The following PCMTD1 variants were observed in gnomAD, a reference collection of about 807,000 sequenced individuals.
The protein encoded by PCMTD1 is protein-L-isoaspartate (D-aspartate) O-methyltransferase domain containing 1, also known as protein-L-isoaspartate O-methyltransferase domain-containing protein 1.
Under a neutral mutation model 37.6 loss-of-function variants are expected in PCMTD1, and 12 were observed. The ratio of observed to expected loss-of-function variants is 0.32; its 90% CI spans 0.20 to 0.52. The LOEUF (loss-of-function observed/expected upper bound fraction) is 0.52, where lower values mean the gene tolerates loss of function less well. PCMTD1 is among the 20% of genes least tolerant of loss of function. The pLI, the probability that PCMTD1 is intolerant of heterozygous loss-of-function variation, is 0.97. For missense variants in PCMTD1, 235 were observed against 421.3 expected (o/e 0.56, Z 3.87); for synonymous variants, 117 against 135.8 (o/e 0.86, Z 0.96).
intron 1 of PCMTD1, among the ~76,000 whole-genome samples, chr8:51,896,882 A>AC (rs1298490781): frequency 1.9e-4 from 15 of 78,562 alleles, no homozygotes; most frequent in Non-Finnish European, 5.3e-4. Context: ...ACGCACTATT[A>AC]CAAAAAAAAA....
chr8:51,845,481 G>A, intron 3 of PCMTD1, 180 bp downstream of exon 3: 1 of 467,220 alleles, frequency 2.1e-6, no homozygotes, highest in East Asian at 3.2e-5. Flanking sequence ...ATTTACTATA[G>A]AATTACATAT....
At chr8:51,836,712 A>G (rs1419834106) in intron 3 of PCMTD1, among the ~76,000 whole-genome samples, 2 of 152,220 alleles carry the variant, frequency 1.3e-5, no homozygotes, top group Admixed American at 6.5e-5. Flanking sequence ...CAGAAAAAGC[A>G]TATGCTTATG....
intron 2 of PCMTD1, among the ~76,000 whole-genome samples, chr8:51,856,910 T>C (rs530258223): frequency 6.6e-5 from 10 of 152,368 alleles, no homozygotes; most frequent in Non-Finnish European, 1.2e-4. Flanking sequence ...ACATTGGCAG[T>C]ATCCTCAAAC....
At chr8:51,845,586 T>C (rs1485180549) in intron 3 of PCMTD1, 75 bp downstream of exon 3, 39 of 1,012,962 alleles carry the variant, frequency 3.9e-5, no homozygotes, top group Non-Finnish European at 2.1e-5. Context: ...GGATCAATAA[T>C]AGTGTTCAAG....
At chr8:51,877,085 T>G (rs1301404622) in intron 1 of PCMTD1, among the ~76,000 whole-genome samples, 1 of 152,240 alleles carries the variant, frequency 6.6e-6, no homozygotes, top group Non-Finnish European at 1.5e-5. Context: ...AAATGCTTGC[T>G]TCTTGGTGCC....
At chr8:51,839,458 T>C in intron 3 of PCMTD1, 5 of 985,412 alleles carry the variant, frequency 5.1e-6, no homozygotes, top group Non-Finnish European at 6.0e-6. Flanking sequence ...TTAGCAGTGG[T>C]TTTCTTTATA....
chr8:51,865,003 AC>A (rs2038530329), intron 1 of PCMTD1, among the ~76,000 whole-genome samples: 1 of 152,156 alleles, frequency 6.6e-6, no homozygotes, highest in Non-Finnish European at 1.5e-5. Flanking sequence ...AAGAGGAGAT[AC>A]CACAACTCAG....
At chr8:51,865,526 A>C (rs1387499352) in intron 1 of PCMTD1, among the ~76,000 whole-genome samples, 2 of 152,066 alleles carry the variant, frequency 1.3e-5, no homozygotes, top group Admixed American at 6.6e-5. Context: ...AATATACACA[A>C]ATCAATAATG....
chr8:51,836,923 T>G (rs1189299526), intron 3 of PCMTD1, among the ~76,000 whole-genome samples: 2 of 152,236 alleles, frequency 1.3e-5, no homozygotes, highest in South Asian at 4.1e-4. Context: ...TTTGTTAAAC[T>G]GGTTACTGTA....
At chr8:51,865,655 T>C (rs943872708) in intron 1 of PCMTD1, among the ~76,000 whole-genome samples, 2 of 151,868 alleles carry the variant, frequency 1.3e-5, no homozygotes, top group East Asian at 1.9e-4. Flanking sequence ...CCCAATAAAT[T>C]AGACACAGAG....
intron 1 of PCMTD1, among the ~76,000 whole-genome samples, chr8:51,879,920 T>C (rs1312479743): frequency 6.6e-6 from 1 of 152,068 alleles, no homozygotes; most frequent in Non-Finnish European, 1.5e-5. Context: ...CAGTGGCTCA[T>C]GCCTATAATC....
chr8:51,829,308 T>G (rs1436053470), intron 5 of PCMTD1, among the ~76,000 whole-genome samples: 4 of 152,112 alleles, frequency 2.6e-5, no homozygotes, highest in Admixed American at 2.6e-4. Context: ...CAAGCAACAC[T>G]CACCACAGAG....
intron 3 of PCMTD1, chr8:51,839,689 CT>C: frequency 1.1e-6 from 1 of 908,056 alleles, no homozygotes; most frequent in African/African-American, 1.8e-5. Context: ...TGAAGTGGGG[CT>C]GACAATTTGC....
At chr8:51,853,289 C>A (rs1353120260) in intron 2 of PCMTD1, among the ~76,000 whole-genome samples, 1 of 152,144 alleles carries the variant, frequency 6.6e-6, no homozygotes, top group Non-Finnish European at 1.5e-5. Context: ...CCAAGAACTC[C>A]AGCAGACCAA....
intron 1 of PCMTD1, among the ~76,000 whole-genome samples, chr8:51,897,848 G>A (rs1364044556): frequency 6.6e-6 from 1 of 152,058 alleles, no homozygotes; most frequent in Non-Finnish European, 1.5e-5. Context: ...TAAAATGGAG[G>A]AATATCCATG....
chr8:51,885,840 G>A (rs1563363100), intron 1 of PCMTD1, among the ~76,000 whole-genome samples: 1 of 152,152 alleles, frequency 6.6e-6, no homozygotes, highest in Non-Finnish European at 1.5e-5. Context: ...TTTGTGCTGG[G>A]TCAGAAGGTT....
At chr8:51,855,375 A>C (rs2038371783) in intron 2 of PCMTD1, among the ~76,000 whole-genome samples, 2 of 151,022 alleles carry the variant, frequency 1.3e-5, no homozygotes, top group East Asian at 4.0e-4. Flanking sequence ...TACCAAAAAA[A>C]AAAAAAAATT....
rs2129270585 is a variant in PCMTD1, at chr8:51,817,994, A to T, written c.*2357T>A. On this transcript the variant is annotated 3_prime_UTR_variant, in exon 6 of 6. Transcript: ENST00000522514. Reference sequence around the variant, plus strand: ...ACTAGCTATAAAATTCCAATACTATATTCCCCATCATTTTCACTTACTTTT... The same window carrying T: ...ACTAGCTATAAAATTCCAATACTATTTTCCCCATCATTTTCACTTACTTTT... The T allele has an allele frequency of 2.2e-6, 1 of 454,168 alleles. No homozygotes were observed. The highest frequency in any genetic ancestry group is 2.0e-5 in the African/African-American group (1 of 50,074). The allele number at this position is 454,168 out of a possible 1,614,324, so 28.1% of individuals were successfully genotyped here.
intron 1 of PCMTD1, among the ~76,000 whole-genome samples, chr8:51,883,111 T>C (rs1451407793): frequency 6.6e-6 from 1 of 151,900 alleles, no homozygotes; most frequent in Non-Finnish European, 1.5e-5. Context: ...GACTCCAGCC[T>C]GGGCGACACA....
Sources: allele counts gnomAD v4.1 joint callset (sites outside exome capture counted in the v4.1 genomes callset), GRCh38; gene constraint gnomAD v4.1.1; transcripts MANE v1.5; gene names NCBI Gene and HGNC (gene_info 2026-07-23, HGNC 2026-07-21).